Variants in PHF21A observed in about 807,000 individuals in gnomAD.
The protein encoded by PHF21A is BHC80a.
In PHF21A, 11 loss-of-function variants were observed where a neutral mutation model predicts 82.5. The observed-to-expected ratio is 0.13, with a 90% CI of 0.08 to 0.22. The LOEUF (loss-of-function observed/expected upper bound fraction) is 0.22. Among genes scored for constraint, PHF21A ranks in the 10% least tolerant of loss-of-function variants. The pLI is 1.00. For missense variants in PHF21A, 579 were observed against 837.8 expected (o/e 0.69, Z 3.81); for synonymous variants, 297 against 302.8 (o/e 0.98, Z 0.20).
intron 6 of PHF21A, among the ~76,000 whole-genome samples, chr11:46,045,882 G>A (rs1353852145): frequency 6.6e-6 from 1 of 152,158 alleles, no homozygotes; most frequent in African/African-American, 2.4e-5. Context: ...CCAGAAAAAT[G>A]AGGATAAACT....
intron 6 of PHF21A, among the ~76,000 whole-genome samples, chr11:46,040,866 C>T (rs554174618): frequency 6.6e-6 from 1 of 150,832 alleles, no homozygotes; most frequent in East Asian, 1.9e-4. Flanking sequence ...ATCTATTTCA[C>T]CCTTAGAACT....
chr11:45,961,299 C>G (rs750626470), intron 10 of PHF21A, among the ~76,000 whole-genome samples: 3 of 152,100 alleles, frequency 2.0e-5, no homozygotes, highest in Non-Finnish European at 2.9e-5. Flanking sequence ...CATGAAAAAT[C>G]AAAGGTAGGC....
intron 6 of PHF21A, among the ~76,000 whole-genome samples, chr11:46,033,143 C>T (rs1347086359): frequency 6.6e-6 from 1 of 152,148 alleles, no homozygotes; most frequent in Non-Finnish European, 1.5e-5. Context: ...CATGTTGATA[C>T]ATATACCTGC....
intron 6 of PHF21A, chr11:46,026,962 T>G (rs1410076117): frequency 2.0e-5 from 3 of 152,222 alleles, no homozygotes; most frequent in African/African-American, 7.2e-5. Flanking sequence ...AATCTGCTTT[T>G]GCTAGCATTC....
chr11:45,944,205 C>T (rs937199269), intron 15 of PHF21A, among the ~76,000 whole-genome samples: 1 of 152,104 alleles, frequency 6.6e-6, no homozygotes, highest in East Asian at 1.9e-4. Context: ...TTGATAAATG[C>T]ATTGTACCTA....
intron 13 of PHF21A, 137 bp downstream of exon 13, chr11:45,949,265 A>C: frequency 1.3e-6 from 1 of 752,844 alleles, no homozygotes; most frequent in Non-Finnish European, 2.3e-6. Context: ...ATAAGTCAAA[A>C]AAAATCTACC....
intron 6 of PHF21A, among the ~76,000 whole-genome samples, chr11:45,982,520 A>G (rs562306990): frequency 7.9e-5 from 12 of 152,374 alleles, no homozygotes; most frequent in African/African-American, 2.9e-4. Flanking sequence ...TTTCTCCAAT[A>G]TAAAAGGCAG....
Position 45,935,710 on chromosome 11 carries a change from T to C in PHF21A, c.1714A>G (p.Lys572Glu), listed in dbSNP as rs1244467437. 9 of 1,418,994 alleles carry C rather than the reference T, an allele frequency of 6.3e-6. No individual in the cohort carries two copies. Among genetic ancestry groups the C allele is most frequent in the Non-Finnish European group, 7.9e-6 (8 of 1,013,732 alleles). The allele number at this position is 1,418,994 out of a possible 1,614,324, so 87.9% of individuals were successfully genotyped here. A position where few individuals can be genotyped will look rare whatever the true frequency, so the allele number is the denominator to read the frequency against. The change falls in exon 18 of 19, where the codon AAA (lysine) becomes GAA (glutamate). Residue 572 changes from lysine (K) to glutamate (E), a missense_variant. By Grantham distance (56) the Lys-to-Glu change is moderately conservative (BLOSUM62 1). Coordinates refer to ENST00000676320, the MANE Select transcript of PHF21A (RefSeq NM_001352027.3). ...TCTTGTTTTAAATCTGAACTCCATT[T>C]AAGTAACTTCTGTTTCTCTTCTTCT... ...AKEEEKQKLL[K>E]WSSDLKQERE...
rs532684289 is a variant in PHF21A, at chr11:46,023,262, G to A, written c.154-43296C>T. ...TTCTTAGCCTTCCATAAGGCAGGCC[G>A]GGATCTGGCAGAGAGACAGCTGATG... On this transcript the variant is annotated intron_variant, in intron 6 of 18. Coordinates refer to ENST00000676320, the MANE Select transcript of PHF21A (RefSeq NM_001352027.3). Among the ~76,000 whole-genome samples, 17 of 152,312 alleles carry A rather than the reference G, an allele frequency of 1.1e-4. No individual in the cohort carries two copies. In the East Asian group the frequency reaches 2.3e-3, roughly 21 times the overall value.
At chr11:46,112,380 T>C (rs2097225472) in intron 1 of PHF21A, among the ~76,000 whole-genome samples, 1 of 152,166 alleles carries the variant, frequency 6.6e-6, no homozygotes, top group Non-Finnish European at 1.5e-5. Context: ...TGCTGCTAAT[T>C]CTAAACGTTT....
At chr11:45,950,104 T>G (rs2091902248) in intron 12 of PHF21A, 102 bp downstream of exon 12, 1 of 948,734 alleles carries the variant, frequency 1.1e-6, no homozygotes, top group Non-Finnish European at 1.6e-6. Flanking sequence ...CATACTCTAT[T>G]TGTGTTCCAA....
intron 6 of PHF21A, among the ~76,000 whole-genome samples, chr11:46,076,400 C>T (rs2096726092): frequency 6.6e-6 from 1 of 152,138 alleles, no homozygotes; most frequent in Non-Finnish European, 1.5e-5. Flanking sequence ...GGCTTTAAGA[C>T]AGGTAACAAG....
chr11:46,115,236 A>G (rs184719575), intron 1 of PHF21A, among the ~76,000 whole-genome samples: 52 of 152,294 alleles, frequency 3.4e-4, no homozygotes, highest in South Asian at 1.0e-3. Context: ...AGAAGAGTCC[A>G]AAGGATGGCT....
intron 6 of PHF21A, among the ~76,000 whole-genome samples, chr11:46,016,712 C>T (rs1305206053): frequency 6.6e-6 from 1 of 152,046 alleles, no homozygotes; most frequent in Non-Finnish European, 1.5e-5. Context: ...ACCTTAAGAA[C>T]ATGGGGAGAC....
At chr11:46,102,023 A>G (rs1470744791) in intron 1 of PHF21A, among the ~76,000 whole-genome samples, 1 of 151,950 alleles carries the variant, frequency 6.6e-6, no homozygotes, top group Admixed American at 6.5e-5. Flanking sequence ...ACGCCCAGCT[A>G]ATTTTTGTAT....
At chr11:46,033,012 G>A (rs61882541) in intron 6 of PHF21A, among the ~76,000 whole-genome samples, 19,378 of 151,944 alleles carry the variant, frequency 0.13, 1,442 homozygotes, top group African/African-American at 0.22. Context: ...CTGCCCAAAA[G>A]GTAGTTACTA....
rs576930820 is a variant in PHF21A, at chr11:46,074,463, G to C, written c.153+2291C>G. 3.1e-3 allele frequency among the ~76,000 whole-genome samples: 273 copies of C among 89,134 alleles called. 1 individual carries two copies. The highest frequency in any genetic ancestry group is 0.02 in the South Asian group (43 of 2,126). 58.5% of individuals were successfully genotyped at this position (89,134 alleles called of 152,430 possible). On this transcript the variant is annotated intron_variant, in intron 6 of 18. Transcript: ENST00000676320. The stretch of plus-strand genomic sequence containing the variant: ...AGGATAAGTGGCTCTTTTGGCGGGA[G>C]GGGGGAAGGCATATAGCATTAGGAA...
chr11:45,980,499 C>CATT (rs1298445004), intron 6 of PHF21A, among the ~76,000 whole-genome samples: 1 of 151,950 alleles, frequency 6.6e-6, no homozygotes, highest in African/African-American at 2.4e-5. Context: ...CATTGTTGAT[C>CATT]ATTATTATTA....
chr11:45,937,569 C>T (rs570726255), intron 16 of PHF21A, among the ~76,000 whole-genome samples: 12 of 152,226 alleles, frequency 7.9e-5, no homozygotes, highest in Non-Finnish European at 1.2e-4. Context: ...CAGCCTCCAC[C>T]TCCTGGGTTC....
Sources: gnomAD v4.1 joint callset for allele counts (sites outside exome capture counted in the v4.1 genomes callset) on GRCh38, gnomAD v4.1.1 for gene constraint, MANE v1.5 for transcripts, NCBI Gene and HGNC (gene_info 2026-07-23, HGNC 2026-07-21) for gene names.